The following CDK19 variants were observed in gnomAD, a reference collection of about 807,000 sequenced individuals.
CDK19 encodes cyclin-dependent kinase 19.
Under a neutral mutation model 68.3 loss-of-function variants are expected in CDK19, and 20 were observed. That is an observed-to-expected ratio of 0.29 (90% CI 0.21 to 0.43). The LOEUF is 0.43. CDK19 is among the 20% of genes least tolerant of loss of function. The pLI is 1.00. For missense variants in CDK19, 339 were observed against 623.5 expected (o/e 0.54, Z 4.86); for synonymous variants, 221 against 222.8 (o/e 0.99, Z 0.07).
At chr6:110,616,203 C>G (rs947886280) in intron 12 of CDK19, among the ~76,000 whole-genome samples, 1 of 152,166 alleles carries the variant, frequency 6.6e-6, no homozygotes, top group African/African-American at 2.4e-5. Flanking sequence ...CAAGAAGAAC[C>G]TGTCGGGCGG....
chr6:110,676,164 C>G (rs1166219778), intron 2 of CDK19, among the ~76,000 whole-genome samples: 1 of 152,104 alleles, frequency 6.6e-6, no homozygotes, highest in Non-Finnish European at 1.5e-5. Context: ...TTCAAGGTAT[C>G]AGTGGAGGAA....
At chr6:110,717,834 T>A (rs1157835823) in intron 2 of CDK19, among the ~76,000 whole-genome samples, 2 of 152,200 alleles carry the variant, frequency 1.3e-5, no homozygotes. Flanking sequence ...CCCACGTAGC[T>A]GGGATTACAG....
chr6:110,736,548 C>T (rs1777267258), intron 2 of CDK19, among the ~76,000 whole-genome samples: 1 of 151,928 alleles, frequency 6.6e-6, no homozygotes, highest in Middle Eastern at 3.2e-3. Flanking sequence ...TTAGTTTTAT[C>T]ACTTCAATCT....
chr6:110,654,942 CAA>C (rs200143899), intron 4 of CDK19, among the ~76,000 whole-genome samples: 25 of 110,266 alleles, frequency 2.3e-4, no homozygotes, highest in Admixed American at 2.8e-4. Context: ...ACTCTGTCTC[CAA>C]AAAAAAAAAA....
chr6:110,639,952 C>A (rs970448953), intron 4 of CDK19, among the ~76,000 whole-genome samples: 2 of 152,124 alleles, frequency 1.3e-5, no homozygotes, highest in African/African-American at 4.8e-5. Flanking sequence ...GTGGCTCACA[C>A]CTGTTATCCT....
At chr6:110,668,176 T>C (rs772728461) in intron 3 of CDK19, among the ~76,000 whole-genome samples, 2 of 152,184 alleles carry the variant, frequency 1.3e-5, no homozygotes, top group Non-Finnish European at 2.9e-5. Flanking sequence ...TTGTGGGTTA[T>C]AAAAACATTG....
intron 4 of CDK19, among the ~76,000 whole-genome samples, chr6:110,656,897 G>A (rs1051829867): frequency 2.6e-5 from 4 of 152,178 alleles, no homozygotes; most frequent in African/African-American, 7.2e-5. Context: ...TAACATCCAT[G>A]GTAGGAATAA....
Position 110,614,367 on chromosome 6 carries a change from T to C in CDK19, c.*168A>G. The C allele has an allele frequency of 2.0e-6, 1 of 498,756 alleles. No homozygotes were observed. Among genetic ancestry groups the C allele is most frequent in the Non-Finnish European group, 3.4e-6 (1 of 290,746 alleles). 30.9% of individuals were successfully genotyped at this position (498,756 alleles called of 1,614,324 possible). ...TTCACAAGAATCTTCTTTAAGTCAATAAAGAAGAGCTATCAGTCCTGCACA... is the reference window on the plus strand; with the variant it reads ...TTCACAAGAATCTTCTTTAAGTCAACAAAGAAGAGCTATCAGTCCTGCACA... On this transcript the variant is annotated 3_prime_UTR_variant, in exon 13 of 13. Transcript: ENST00000368911.
intron 4 of CDK19, among the ~76,000 whole-genome samples, chr6:110,644,738 C>G (rs9487473): frequency 6.6e-6 from 1 of 151,830 alleles, no homozygotes; most frequent in Non-Finnish European, 1.5e-5. Context: ...GCAGAACCAG[C>G]GAAACCCAAG....
intron 2 of CDK19, among the ~76,000 whole-genome samples, chr6:110,736,102 G>A (rs1467582097): frequency 1.3e-5 from 2 of 152,168 alleles, no homozygotes; most frequent in African/African-American, 4.8e-5. Flanking sequence ...AGCACTTTGG[G>A]AGGCCTAGGC....
intron 9 of CDK19, 31 bp downstream of exon 9, chr6:110,623,259 T>A (rs751294204): frequency 1.3e-6 from 2 of 1,579,386 alleles, no homozygotes; most frequent in East Asian, 4.5e-5. Context: ...GTGCTGAGAA[T>A]CAGATTTTAG....
At chr6:110,641,124 G>A (rs1281559538) in intron 4 of CDK19, among the ~76,000 whole-genome samples, 3 of 151,744 alleles carry the variant, frequency 2.0e-5, no homozygotes, top group Non-Finnish European at 4.4e-5. Context: ...AAAAAGATTG[G>A]TTCACCATAT....
At chr6:110,673,524 T>C (rs757657913) in intron 2 of CDK19, among the ~76,000 whole-genome samples, 8 of 151,908 alleles carry the variant, frequency 5.3e-5, no homozygotes, top group Non-Finnish European at 1.0e-4. Flanking sequence ...AACCACCATA[T>C]AGGTCATTTT....
At chr6:110,741,116 C>A (rs1424979933) in intron 2 of CDK19, among the ~76,000 whole-genome samples, 1 of 151,502 alleles carries the variant, frequency 6.6e-6, no homozygotes, top group East Asian at 1.9e-4. Context: ...ATGAGAGCTG[C>A]AATAAGAGAA....
chr6:110,806,876 G>A (rs1034508554), intron 1 of CDK19, among the ~76,000 whole-genome samples: 3 of 152,100 alleles, frequency 2.0e-5, no homozygotes, highest in African/African-American at 4.8e-5. Flanking sequence ...TACTCAGGAG[G>A]CTGAGGCAGG....
At chr6:110,688,668 C>A (rs886555498) in intron 2 of CDK19, among the ~76,000 whole-genome samples, 3 of 152,102 alleles carry the variant, frequency 2.0e-5, no homozygotes, top group Non-Finnish European at 4.4e-5. Flanking sequence ...TTAACCCCAC[C>A]CAGCACAGGA....
At chr6:110,688,567 TA>T (rs1267249280) in intron 2 of CDK19, among the ~76,000 whole-genome samples, 1 of 151,926 alleles carries the variant, frequency 6.6e-6, no homozygotes, top group Non-Finnish European at 1.5e-5. Flanking sequence ...CAAAAAACTG[TA>T]AGTCTCCTGA....
chr6:110,785,994 G>A (rs1463270074), intron 1 of CDK19, among the ~76,000 whole-genome samples: 1 of 149,876 alleles, frequency 6.7e-6, no homozygotes, highest in Non-Finnish European at 1.5e-5. Flanking sequence ...AAAAAAAAAA[G>A]AAAGGAAAAT....
At chr6:110,775,474 T>C (rs2115010457) in intron 1 of CDK19, among the ~76,000 whole-genome samples, 1 of 152,288 alleles carries the variant, frequency 6.6e-6, no homozygotes, top group South Asian at 2.1e-4. Context: ...AATTTAATTC[T>C]GACAGTAATG....
Sources: allele counts gnomAD v4.1 joint callset (sites outside exome capture counted in the v4.1 genomes callset), GRCh38; gene constraint gnomAD v4.1.1; transcripts MANE v1.5; gene names NCBI Gene and HGNC (gene_info 2026-07-23, HGNC 2026-07-21).